The following SLAIN1 variants were observed in gnomAD, a reference collection of about 807,000 sequenced individuals.
SLAIN1 encodes the protein SLAIN family member 1.
Under a neutral mutation model 55.4 loss-of-function variants are expected in SLAIN1, and 17 were observed. The ratio of observed to expected loss-of-function variants is 0.31; its 90% CI spans 0.21 to 0.46. SLAIN1 has a LOEUF of 0.46. SLAIN1 is among the 20% of genes least tolerant of loss of function. SLAIN1 has a pLI of 1.00. For missense variants in SLAIN1, 682 were observed against 785.1 expected (o/e 0.87, Z 1.57); for synonymous variants, 348 against 337.4 (o/e 1.03, Z -0.35).
chr13:77,723,920 T>A (rs2091284704), intron 2 of SLAIN1, among the ~76,000 whole-genome samples: 1 of 86,386 alleles, frequency 1.2e-5, no homozygotes, highest in South Asian at 3.3e-4. Flanking sequence ...GTTGTTCTAC[T>A]TTTTTGGAGA....
intron 5 of SLAIN1, among the ~76,000 whole-genome samples, chr13:77,756,207 G>C (rs529625855): frequency 6.6e-6 from 1 of 152,000 alleles, no homozygotes; most frequent in Admixed American, 6.6e-5. Flanking sequence ...GTTACATGTA[G>C]GAGAGATAGT....
chr13:77,712,535 A>T (rs192375208), intron 1 of SLAIN1, among the ~76,000 whole-genome samples: 11 of 152,326 alleles, frequency 7.2e-5, no homozygotes, highest in Admixed American at 7.2e-4. Context: ...AAGTACTACA[A>T]ACCAGTGCTC....
At chr13:77,743,349 G>T in intron 2 of SLAIN1, 2 of 280,660 alleles carry the variant, frequency 7.1e-6, no homozygotes, top group Non-Finnish European at 1.3e-5. Context: ...TTGATCTACT[G>T]CTCTCAATTT....
intron 1 of SLAIN1, among the ~76,000 whole-genome samples, chr13:77,712,759 C>G (rs940887456): frequency 6.6e-6 from 1 of 152,132 alleles, no homozygotes; most frequent in African/African-American, 2.4e-5. Context: ...CAAGACAATC[C>G]TAAGCAAAAA....
chr13:77,737,237 A>C (rs567478036), intron 2 of SLAIN1, among the ~76,000 whole-genome samples: 192 of 152,092 alleles, frequency 1.3e-3, no homozygotes, highest in Non-Finnish European at 2.3e-3. Context: ...CTTCAGCTCA[A>C]ATGTGGCTCA....
chr13:77,737,798 A>G (rs1226788995), intron 2 of SLAIN1, among the ~76,000 whole-genome samples: 2 of 151,002 alleles, frequency 1.3e-5, no homozygotes, highest in Non-Finnish European at 2.9e-5. Flanking sequence ...CACTTACAAT[A>G]TGACATCATA....
chr13:77,724,035 C>T (rs2091286380), intron 2 of SLAIN1, among the ~76,000 whole-genome samples: 1 of 152,076 alleles, frequency 6.6e-6, no homozygotes, highest in Non-Finnish European at 1.5e-5. Flanking sequence ...CAGTGAACAG[C>T]ACAGGTATTA....
chr13:77,731,163 A>G (rs1387001739), intron 2 of SLAIN1, among the ~76,000 whole-genome samples: 1 of 152,176 alleles, frequency 6.6e-6, no homozygotes, highest in Non-Finnish European at 1.5e-5. Flanking sequence ...GATAGATGAA[A>G]AAAAGCCATG....
intron 2 of SLAIN1, among the ~76,000 whole-genome samples, chr13:77,721,283 C>T (rs1412051026): frequency 1.3e-5 from 2 of 152,158 alleles, no homozygotes; most frequent in African/African-American, 2.4e-5. Context: ...TTACCTTCCA[C>T]TATGATTGCA....
intron 1 of SLAIN1, among the ~76,000 whole-genome samples, chr13:77,705,456 C>T (rs1200295952): frequency 1.3e-5 from 2 of 151,578 alleles, no homozygotes; most frequent in Non-Finnish European, 3.0e-5. Context: ...ATGCTCTTGC[C>T]AGAATCCAAT....
At position 77,698,645 on chromosome 13, in the gene SLAIN1, T is replaced by G; in HGVS notation, c.626+106T>G. 1.5e-6 allele frequency: 2 copies of G among 1,297,980 alleles called. No individual in the cohort carries two copies. Among genetic ancestry groups the G allele is most frequent in the Non-Finnish European group, 2.0e-6 (2 of 1,024,524 alleles). 80.4% of individuals were successfully genotyped at this position (1,297,980 alleles called of 1,614,324 possible). A position where few individuals can be genotyped will look rare whatever the true frequency, so the allele number is the denominator to read the frequency against. ...GGGGGTCCCCTCGCGGCAGCCGGGG[T>G]GACTCCCCGCGGCTCCCGGAGGGGC... On this transcript the variant is annotated intron_variant, in intron 1 of 6. Transcript: ENST00000418532. This position sits in a 1 kb window ranked among gnomAD's most constrained non-coding sequence, Gnocchi z 4.1.
Position 77,763,478 on chromosome 13 carries a change from C to G in SLAIN1, c.*258C>G. 2.2e-6 allele frequency: 1 copy of G among 461,470 alleles called. No individual in the cohort carries two copies. The highest frequency in any genetic ancestry group is 3.2e-5 in the South Asian group (1 of 31,456). The allele number at this position is 461,470 out of a possible 1,614,324, so 28.6% of individuals were successfully genotyped here. ...TCTAGGAAGTTTTTGTAGAACTGCTCTGTACCTGAATACTTTTTGAGAGAA... is the reference window on the plus strand; with the variant it reads ...TCTAGGAAGTTTTTGTAGAACTGCTGTGTACCTGAATACTTTTTGAGAGAA... On this transcript the variant is annotated 3_prime_UTR_variant, in exon 7 of 7. Coordinates refer to ENST00000418532, the MANE Select transcript of SLAIN1 (RefSeq NM_001242868.2).
intron 3 of SLAIN1, 70 bp from the exon 4 acceptor site, chr13:77,746,444 A>C: frequency 7.5e-7 from 1 of 1,329,228 alleles, no homozygotes; most frequent in South Asian, 1.5e-5. Flanking sequence ...TTTTCATCTA[A>C]TACTTGGTTA....
chr13:77,742,175 G>T (rs1253408008), intron 2 of SLAIN1, among the ~76,000 whole-genome samples: 1 of 151,804 alleles, frequency 6.6e-6, no homozygotes, highest in African/African-American at 2.4e-5. Flanking sequence ...TTAGACAAGT[G>T]AGGTAATGTA....
intron 2 of SLAIN1, among the ~76,000 whole-genome samples, chr13:77,740,247 C>T (rs972936419): frequency 6.6e-6 from 1 of 151,992 alleles, no homozygotes. Flanking sequence ...CAGGTTTGCT[C>T]AGGGCAGTGT....
intron 2 of SLAIN1, among the ~76,000 whole-genome samples, chr13:77,724,287 C>T (rs2091288246): frequency 1.3e-5 from 2 of 152,064 alleles, no homozygotes; most frequent in Non-Finnish European, 2.9e-5. Flanking sequence ...TTTTTCACTT[C>T]ACCACAAAAC....
intron 2 of SLAIN1, among the ~76,000 whole-genome samples, chr13:77,737,824 C>T (rs1365929577): frequency 6.6e-6 from 1 of 152,036 alleles, no homozygotes; most frequent in Non-Finnish European, 1.5e-5. Flanking sequence ...CCTTACTTGC[C>T]TGTCTTCTGT....
intron 5 of SLAIN1, among the ~76,000 whole-genome samples, chr13:77,755,496 A>G (rs1026072785): frequency 8.5e-5 from 13 of 152,178 alleles, no homozygotes; most frequent in African/African-American, 3.1e-4. Flanking sequence ...TGTACACTGC[A>G]AAGAATGTTC....
intron 5 of SLAIN1, 30 bp downstream of exon 5, chr13:77,753,388 A>G (rs759411364): frequency 7.6e-6 from 8 of 1,051,956 alleles, no homozygotes; most frequent in South Asian, 7.2e-5. Context: ...ATAATTATAT[A>G]TTGTATAATT....
Sources: allele counts gnomAD v4.1 joint callset (sites outside exome capture counted in the v4.1 genomes callset), GRCh38; gene constraint gnomAD v4.1.1; non-coding constraint Gnocchi (gnomAD v3.1); transcripts MANE v1.5; gene names NCBI Gene and HGNC (gene_info 2026-07-23, HGNC 2026-07-21).